The following KCNJ6 variants were observed in gnomAD, a reference collection of about 807,000 sequenced individuals.
KCNJ6 encodes the protein potassium inwardly rectifying channel subfamily J member 6.
A neutral mutation model predicts 34.2 loss-of-function variants in KCNJ6; 9 were observed. The ratio of observed to expected loss-of-function variants is 0.26; its 90% CI spans 0.16 to 0.46. The LOEUF (loss-of-function observed/expected upper bound fraction) is 0.46, where lower values mean the gene tolerates loss of function less well. Ranked by LOEUF, KCNJ6 falls within the 20% of genes least tolerant of loss-of-function variation. KCNJ6 has a pLI of 1.00. For synonymous variants in KCNJ6, 196 were observed against 207.1 expected (o/e 0.95, Z 0.46); for missense variants, 236 against 531.3 (o/e 0.44, Z 5.46).
chr21:37,851,036 G>A (rs6517436), intron 1 of KCNJ6, among the ~76,000 whole-genome samples: 91,391 of 151,830 alleles, frequency 0.6, 27,742 homozygotes, highest in East Asian at 0.77. Flanking sequence ...TGGGAGGGCC[G>A]TGATCAAGTT....
chr21:37,729,980 G>A (rs1165026967), intron 2 of KCNJ6, among the ~76,000 whole-genome samples: 1 of 152,218 alleles, frequency 6.6e-6, no homozygotes, highest in Admixed American at 6.5e-5. Flanking sequence ...TTGCCAGGAG[G>A]CAGAGCTGGA....
intron 1 of KCNJ6, among the ~76,000 whole-genome samples, chr21:37,869,686 T>C (rs1239805667): frequency 6.6e-6 from 1 of 152,250 alleles, no homozygotes; most frequent in African/African-American, 2.4e-5. Flanking sequence ...TCAAGCTACA[T>C]GGTGTCTTTA....
At chr21:37,740,653 G>A (rs1023656307) in intron 2 of KCNJ6, among the ~76,000 whole-genome samples, 8 of 152,202 alleles carry the variant, frequency 5.3e-5, no homozygotes, top group Non-Finnish European at 1.2e-4. Context: ...GACCTCCTGA[G>A]GGCTGTGTCA....
chr21:37,648,341 G>C (rs998991371), intron 3 of KCNJ6, among the ~76,000 whole-genome samples: 2 of 152,186 alleles, frequency 1.3e-5, no homozygotes, highest in Non-Finnish European at 2.9e-5. Context: ...GCACCTGCTG[G>C]CTGAACTCTT....
intron 1 of KCNJ6, among the ~76,000 whole-genome samples, chr21:37,907,889 T>C (rs1024519504): frequency 6.6e-6 from 1 of 152,226 alleles, no homozygotes; most frequent in African/African-American, 2.4e-5. Flanking sequence ...ATTATATCCC[T>C]TTTAAATTGA....
rs184904195 is a variant in KCNJ6, at chr21:37,788,408, C to T, written c.25+52250G>A. Among the ~76,000 whole-genome samples the T allele has an allele frequency of 2.0e-3, 305 of 152,208 alleles. 1 individual carries two copies. Among genetic ancestry groups the T allele is most frequent in the Non-Finnish European group, 3.0e-3 (201 of 68,002 alleles). Reference sequence around the variant, plus strand: ...TACTGATTATAATGTCCTTCTTATTCGTCCCCCCACATTTGCTCAGCATAC... The same window carrying T: ...TACTGATTATAATGTCCTTCTTATTTGTCCCCCCACATTTGCTCAGCATAC... On this transcript the variant is annotated intron_variant, in intron 2 of 3. Transcript: ENST00000609713.
chr21:37,806,940 ATTGTT>A (rs1239469136), intron 2 of KCNJ6, among the ~76,000 whole-genome samples: 1 of 152,216 alleles, frequency 6.6e-6, no homozygotes, highest in Non-Finnish European at 1.5e-5. Flanking sequence ...TACAGATTAT[ATTGTT>A]TTATTATTTT....
intron 2 of KCNJ6, among the ~76,000 whole-genome samples, chr21:37,811,021 C>T (rs1467386280): frequency 2.6e-5 from 4 of 152,164 alleles, no homozygotes; most frequent in Admixed American, 6.5e-5. Flanking sequence ...GAACTTTCAG[C>T]CCTAACCCAT....
chr21:37,780,284 G>A (rs2055162993), intron 2 of KCNJ6, among the ~76,000 whole-genome samples: 1 of 152,128 alleles, frequency 6.6e-6, no homozygotes, highest in Admixed American at 6.6e-5. Context: ...GTAGTAAAAA[G>A]ATCAGCGGTT....
intron 2 of KCNJ6, among the ~76,000 whole-genome samples, chr21:37,758,226 A>G (rs1280366120): frequency 6.6e-6 from 1 of 152,206 alleles, no homozygotes; most frequent in East Asian, 1.9e-4. Flanking sequence ...GATGTCTGTG[A>G]GGCTGATGGT....
At chr21:37,645,203 G>A (rs2054398724) in intron 3 of KCNJ6, among the ~76,000 whole-genome samples, 3 of 151,964 alleles carry the variant, frequency 2.0e-5, no homozygotes, top group Admixed American at 2.0e-4. Flanking sequence ...AAGAGACCTT[G>A]TCTCTACATA....
At chr21:37,842,588 C>A (rs991580378) in intron 1 of KCNJ6, among the ~76,000 whole-genome samples, 1 of 152,216 alleles carries the variant, frequency 6.6e-6, no homozygotes, top group African/African-American at 2.4e-5. Flanking sequence ...ATCTACCAAC[C>A]TGCTTGCTGT....
intron 2 of KCNJ6, among the ~76,000 whole-genome samples, chr21:37,840,449 T>C (rs2055474479): frequency 6.6e-6 from 1 of 152,192 alleles, no homozygotes; most frequent in Non-Finnish European, 1.5e-5. Flanking sequence ...GGGTAACAGC[T>C]TCAGCAAAGA....
At chr21:37,834,731 A>G (rs1601493538) in intron 2 of KCNJ6, among the ~76,000 whole-genome samples, 1 of 152,236 alleles carries the variant, frequency 6.6e-6, no homozygotes, top group African/African-American at 2.4e-5. Context: ...TCAAATCTGT[A>G]CTAAATTTGA....
intron 2 of KCNJ6, among the ~76,000 whole-genome samples, chr21:37,815,961 G>A (rs1412073269): frequency 6.6e-6 from 1 of 152,222 alleles, no homozygotes; most frequent in East Asian, 1.9e-4. Context: ...GACAGTAGAG[G>A]GGCAGGGTGT....
chr21:37,802,652 A>G (rs558975608), intron 2 of KCNJ6, among the ~76,000 whole-genome samples: 2 of 152,310 alleles, frequency 1.3e-5, no homozygotes, highest in East Asian at 3.9e-4. Context: ...TAGACTTCTA[A>G]CCACAAAAAC....
intron 1 of KCNJ6, among the ~76,000 whole-genome samples, chr21:37,883,602 T>C (rs918401912): frequency 6.6e-6 from 1 of 152,120 alleles, no homozygotes; most frequent in Non-Finnish European, 1.5e-5. Flanking sequence ...GGGGGAAGGC[T>C]TATGTAAATG....
At position 37,676,380 on chromosome 21, in the gene KCNJ6, T is replaced by C. The variant is rs556858448; in HGVS notation, c.946+37831A>G. Among the ~76,000 whole-genome samples the C allele has an allele frequency of 1.8e-4, 28 of 152,316 alleles. No homozygotes were observed. The South Asian group carries it at 5.6e-3, about 30-fold the overall frequency. The stretch of plus-strand genomic sequence containing the variant: ...ATCTATTAGTGCAGGAGGGAGGCCC[T>C]GCACTTTGCTCACCACTGAACTCTG... On this transcript the variant is annotated intron_variant, in intron 3 of 3. Coordinates refer to ENST00000609713, the MANE Select transcript of KCNJ6 (RefSeq NM_002240.5).
intron 3 of KCNJ6, among the ~76,000 whole-genome samples, chr21:37,712,235 A>T (rs2054756738): frequency 6.6e-6 from 1 of 152,134 alleles, no homozygotes; most frequent in Non-Finnish European, 1.5e-5. Context: ...GCTTGGAGAC[A>T]CTGCCCTCTC....
Sources: allele counts gnomAD v4.1 joint callset (sites outside exome capture counted in the v4.1 genomes callset), GRCh38; gene constraint gnomAD v4.1.1; transcripts MANE v1.5; gene names NCBI Gene and HGNC (gene_info 2026-07-23, HGNC 2026-07-21).